Variants in CHN2 observed in about 807,000 individuals in gnomAD.
CHN2 encodes the protein beta-chimaerin.
Under a neutral mutation model 56.3 loss-of-function variants are expected in CHN2, and 35 were observed. The ratio of observed to expected loss-of-function variants is 0.62; its 90% confidence interval spans 0.47 to 0.82. The LOEUF (loss-of-function observed/expected upper bound fraction) is 0.82, where lower values mean the gene tolerates loss of function less well. Ranked by LOEUF, CHN2 falls within the 40% of genes least tolerant of loss-of-function variation. The pLI is 0.00. For synonymous variants in CHN2, 210 were observed against 212.8 expected (o/e 0.99, Z 0.12); for missense variants, 491 against 580.5 (o/e 0.85, Z 1.58).
chr7:29,482,515 T>C (rs1217795463), intron 7 of CHN2, among the ~76,000 whole-genome samples: 10 of 152,098 alleles, frequency 6.6e-5, no homozygotes, highest in Admixed American at 5.9e-4. Context: ...GGCAGGTTTT[T>C]AGGGACAAGC....
At chr7:29,510,370 C>T (rs1049753891) in intron 12 of CHN2, among the ~76,000 whole-genome samples, 6 of 152,004 alleles carry the variant, frequency 3.9e-5, no homozygotes, top group Non-Finnish European at 7.4e-5. Flanking sequence ...ACCCGGGAGA[C>T]GAAGGCTGCA....
chr7:29,183,842 C>T (rs751459070), intron 2 of CHN2, among the ~76,000 whole-genome samples: 1 of 152,066 alleles, frequency 6.6e-6, no homozygotes, highest in Non-Finnish European at 1.5e-5. Context: ...ATTCCACACC[C>T]ATGCATTCAA....
At chr7:29,342,959 T>C (rs1402238768) in intron 1 of CHN2, among the ~76,000 whole-genome samples, 3 of 152,258 alleles carry the variant, frequency 2.0e-5, no homozygotes, top group African/African-American at 7.2e-5. Context: ...CACCCATGTC[T>C]AGTGCACTAT....
At chr7:29,509,272 C>A in intron 11 of CHN2, 29 bp from the exon 12 acceptor site, 1 of 1,543,062 alleles carries the variant, frequency 6.5e-7, no homozygotes, top group Non-Finnish European at 9.0e-7. Context: ...ACACTCTGAA[C>A]TAATACCCAT....
chr7:29,317,993 AAAAC>A (rs1341279030), intron 1 of CHN2, among the ~76,000 whole-genome samples: 1 of 152,338 alleles, frequency 6.6e-6, no homozygotes, highest in East Asian at 1.9e-4. Context: ...CAAAAAAACA[AAAAC>A]AAACAAAAAA....
rs200928997 is a variant in CHN2, at chr7:29,494,307, T to C, written c.655-1645T>C. Among the ~76,000 whole-genome samples, 5 of 152,208 alleles carry C rather than the reference T, an allele frequency of 3.3e-5. No individual in the cohort carries two copies. In the East Asian group the frequency reaches 9.6e-4, roughly 29 times the overall value. On this transcript the variant is annotated intron_variant, in intron 7 of 12. Transcript: ENST00000222792. ...TTTTTCTGGAGTTGCATTTTACATA[T>C]TATTTTATTATATTTAATTGATCTT...
intron 7 of CHN2, among the ~76,000 whole-genome samples, chr7:29,494,813 T>A (rs1049322153): frequency 5.9e-5 from 9 of 152,046 alleles, no homozygotes; most frequent in Non-Finnish European, 1.3e-4. Context: ...CCTCTTTATG[T>A]ACACCCAATT....
intron 7 of CHN2, among the ~76,000 whole-genome samples, chr7:29,495,104 G>C (rs1789128230): frequency 6.6e-6 from 1 of 152,016 alleles, no homozygotes; most frequent in African/African-American, 2.4e-5. Context: ...GGCCCCGATA[G>C]ACTGCCTATG....
intron 6 of CHN2, among the ~76,000 whole-genome samples, chr7:29,459,708 AC>A (rs1165474907): frequency 6.6e-6 from 1 of 152,156 alleles, no homozygotes; most frequent in Non-Finnish European, 1.5e-5. Flanking sequence ...GCCAGGTGTG[AC>A]ATCAGCCTGC....
intron 2 of CHN2, among the ~76,000 whole-genome samples, chr7:29,157,847 T>A (rs894880351): frequency 3.9e-5 from 5 of 128,534 alleles, no homozygotes; most frequent in African/African-American, 7.6e-5. Context: ...AAAAAAAAAA[T>A]CCTTCTATGT....
chr7:29,379,351 A>G (rs1220198299), intron 3 of CHN2, among the ~76,000 whole-genome samples: 5 of 152,226 alleles, frequency 3.3e-5, no homozygotes, highest in African/African-American at 1.2e-4. Context: ...TTTGGTAGCA[A>G]CATCTGAACA....
intron 1 of CHN2, among the ~76,000 whole-genome samples, chr7:29,270,313 A>G (rs1172551946): frequency 6.6e-6 from 1 of 152,088 alleles, no homozygotes; most frequent in African/African-American, 2.4e-5. Context: ...TTTAGGCTGC[A>G]TTTTAAATGA....
At chr7:29,384,499 T>C (rs1254523934) in intron 3 of CHN2, among the ~76,000 whole-genome samples, 1 of 152,106 alleles carries the variant, frequency 6.6e-6, no homozygotes, top group Non-Finnish European at 1.5e-5. Context: ...AAATGTTGGC[T>C]CCTCCTCTGC....
At chr7:29,347,816 T>A (rs1797575156) in intron 1 of CHN2, among the ~76,000 whole-genome samples, 1 of 152,216 alleles carries the variant, frequency 6.6e-6, no homozygotes, top group South Asian at 2.1e-4. Context: ...GCAACAGTTA[T>A]AAAAAGAAAA....
At chr7:29,489,607 G>A (rs1382323758) in intron 7 of CHN2, among the ~76,000 whole-genome samples, 1 of 152,106 alleles carries the variant, frequency 6.6e-6, no homozygotes, top group East Asian at 1.9e-4. Context: ...ATAAACAATG[G>A]CCCATCACCA....
chr7:29,450,205 A>G (rs531986192), intron 6 of CHN2, among the ~76,000 whole-genome samples: 48 of 152,340 alleles, frequency 3.2e-4, no homozygotes, highest in African/African-American at 9.6e-4. Context: ...GCTCAAATTA[A>G]CACTAAAGGA....
Position 29,512,760 on chromosome 7 carries a change from G to GC in CHN2, c.*29dup, listed in dbSNP as rs756112287. 6 of 1,596,800 alleles carry GC rather than the reference G, an allele frequency of 3.8e-6. No individual in the cohort carries two copies. Among genetic ancestry groups the GC allele is most frequent in the Middle Eastern group, 1.7e-4 (1 of 5,974 alleles). On this transcript the variant is annotated 3_prime_UTR_variant, in exon 13 of 13. Transcript: ENST00000222792. ...ATCCATCAGGGAAATGAGCTGAATG[G>GC]CCCCAGCACCATCCAAGTTGACACA...
intron 6 of CHN2, among the ~76,000 whole-genome samples, chr7:29,462,085 G>A (rs758465651): frequency 5.9e-5 from 9 of 152,058 alleles, no homozygotes; most frequent in African/African-American, 1.4e-4. Context: ...TGTTTCACAC[G>A]CATTTTGTTT....
Position 29,400,706 on chromosome 7 carries a change from A to G in CHN2, c.454A>G (p.Ile152Val), listed in dbSNP as rs767125931. ...CATTTCAAAAATGACAACTAACCCC[A>G]TCTATGAACACATTGGATATGCCAC... ...EYISKMTTNP[I>V]YEHIGYATLL... The change falls in exon 6 of 13, where the codon ATC becomes GTC. Residue 152 changes from isoleucine to valine, a missense_variant. By Grantham distance (29) the Ile-to-Val change is conservative. Coordinates refer to ENST00000222792, the MANE Select transcript of CHN2 (RefSeq NM_004067.4). 3.1e-6 allele frequency: 5 copies of G among 1,614,206 alleles called. No homozygotes were observed. Among genetic ancestry groups the G allele is most frequent in the Non-Finnish European group, 4.2e-6 (5 of 1,180,042 alleles).
Sources: allele counts gnomAD v4.1 joint callset (sites outside exome capture counted in the v4.1 genomes callset), GRCh38; gene constraint gnomAD v4.1.1; transcripts MANE v1.5; gene names NCBI Gene and HGNC (gene_info 2026-07-23, HGNC 2026-07-21).